The following SLC16A12 variants were observed in gnomAD, a reference collection of about 807,000 sequenced individuals.
The protein encoded by SLC16A12 is solute carrier family 16 member 12, also known as monocarboxylate transporter 12.
Under a neutral mutation model 42.4 loss-of-function variants are expected in SLC16A12, and 17 were observed. That is an observed-to-expected ratio of 0.40 (90% CI 0.27 to 0.60). The LOEUF (loss-of-function observed/expected upper bound fraction) is 0.60, where lower values mean the gene tolerates loss of function less well. Among genes scored for constraint, SLC16A12 ranks in the 20% least tolerant of loss-of-function variants. The pLI is 0.42. For missense variants in SLC16A12, 544 were observed against 623.0 expected (o/e 0.87, Z 1.35); for synonymous variants, 224 against 229.4 (o/e 0.98, Z 0.21).
chr10:89,520,977 T>C (rs1380637503), intron 2 of SLC16A12, among the ~76,000 whole-genome samples: 1 of 152,200 alleles, frequency 6.6e-6, no homozygotes, highest in Non-Finnish European at 1.5e-5. Flanking sequence ...TTATTGTCAT[T>C]ATTTTTACTA....
chr10:89,475,189 G>C (rs539737099), intron 2 of SLC16A12, among the ~76,000 whole-genome samples: 1 of 152,320 alleles, frequency 6.6e-6, no homozygotes, highest in South Asian at 2.1e-4. Flanking sequence ...CTAGGAAACA[G>C]AGAGGAAACC....
At chr10:89,474,520 ACTTTAT>A (rs1842547074) in intron 2 of SLC16A12, among the ~76,000 whole-genome samples, 1 of 152,244 alleles carries the variant, frequency 6.6e-6, no homozygotes, top group Non-Finnish European at 1.5e-5. Context: ...CATGGAAAGC[ACTTTAT>A]CTTCATCAGA....
intron 2 of SLC16A12, among the ~76,000 whole-genome samples, chr10:89,469,018 A>G (rs747645309): frequency 6.6e-6 from 1 of 152,160 alleles, no homozygotes; most frequent in Admixed American, 6.5e-5. Context: ...AATCCCAGCT[A>G]CTTGGGGGGC....
intron 7 of SLC16A12, among the ~76,000 whole-genome samples, chr10:89,435,163 T>C (rs973957636): frequency 6.6e-6 from 1 of 152,268 alleles, no homozygotes; most frequent in East Asian, 1.9e-4. Flanking sequence ...CCCAAATCTA[T>C]ATATAAACCA....
At chr10:89,474,850 TACAG>T (rs1842552515) in intron 2 of SLC16A12, among the ~76,000 whole-genome samples, 1 of 152,218 alleles carries the variant, frequency 6.6e-6, no homozygotes, top group Admixed American at 6.5e-5. Flanking sequence ...ATCTCCATTT[TACAG>T]ACAAAGTAAG....
chr10:89,539,842 C>T (rs1225928886), upstream of SLC16A12, among the ~76,000 whole-genome samples: 4 of 135,008 alleles, frequency 3.0e-5, no homozygotes, highest in Admixed American at 7.4e-5. Flanking sequence ...CTTCCTTAGA[C>T]ACCAAGAAAC....
intron 2 of SLC16A12, among the ~76,000 whole-genome samples, chr10:89,508,968 T>C (rs992268113): frequency 1.3e-5 from 2 of 152,128 alleles, no homozygotes; most frequent in Non-Finnish European, 2.9e-5. Context: ...TATGAACACC[T>C]CTACACAAAT....
Position 89,432,241 on chromosome 10 carries a change from CTAAG to C in SLC16A12, c.*819_*822del. On this transcript the variant is annotated 3_prime_UTR_variant, in exon 8 of 8. Coordinates refer to ENST00000371790, the MANE Select transcript of SLC16A12 (RefSeq NM_213606.4). ...TAAGATTGAGAGGTTGTCCTTGTGA[CTAAG>C]TGTGTTCTGCTAAATTTAGAGTAAG... 6.6e-6 allele frequency: 1 copy of C among 152,604 alleles called. No individual in the cohort carries two copies. The highest frequency in any genetic ancestry group is 1.5e-5 in the Non-Finnish European group (1 of 68,026). The allele number at this position is 152,604 out of a possible 1,614,324, so 9.5% of individuals were successfully genotyped here. A position where few individuals can be genotyped will look rare whatever the true frequency, so the allele number is the denominator to read the frequency against.
In SLC16A12 at chr10:89,438,846, C is replaced by T. The variant is rs775172178; in HGVS notation, c.786G>A (p.Trp262Ter). 7.4e-6 allele frequency: 12 copies of T among 1,614,022 alleles called. No individual in the cohort carries two copies. The East Asian group carries it at 2.7e-4, about 36-fold the overall frequency. The part of the protein sequence containing the change: ...VSPYSSLTKE[W>*]AQTCLCCCLQ... The stretch of plus-strand genomic sequence containing the variant: ...AACAGCAACAGAGGCAAGTCTGTGC[C>T]CATTCTTTGGTCAAAGATGAATAGG... The change falls in exon 6 of 8, where the codon TGG becomes TGA. Residue 262 changes from tryptophan to a stop codon, truncating the protein, a stop_gained. Transcript: ENST00000371790. LOFTEE classifies it high-confidence loss of function.
At chr10:89,455,966 G>A (rs1589672732) in intron 3 of SLC16A12, 1 of 152,210 alleles carries the variant, frequency 6.6e-6, no homozygotes, top group African/African-American at 2.4e-5. Context: ...AGTGTCATCT[G>A]TGACGAAATG....
chr10:89,495,302 C>T (rs917249022), intron 2 of SLC16A12, among the ~76,000 whole-genome samples: 3 of 152,084 alleles, frequency 2.0e-5, no homozygotes, highest in South Asian at 2.1e-4. Flanking sequence ...TGCAGTAAGC[C>T]GAGATCCGCC....
At chr10:89,529,814 C>G (rs546617739) in intron 2 of SLC16A12, among the ~76,000 whole-genome samples, 1 of 152,304 alleles carries the variant, frequency 6.6e-6, no homozygotes, top group South Asian at 2.1e-4. Flanking sequence ...TCCCAAAGTG[C>G]TGGAATTACA....
chr10:89,542,306 C>T (rs1454363012), intron 2 of SLC16A12, among the ~76,000 whole-genome samples: 30 of 137,008 alleles, frequency 2.2e-4, no homozygotes, highest in African/African-American at 3.0e-4. Context: ...CTTTTTTTTT[C>T]TTTTTTTTTT....
At chr10:89,510,684 G>C (rs374217098) in intron 2 of SLC16A12, among the ~76,000 whole-genome samples, 1 of 152,226 alleles carries the variant, frequency 6.6e-6, no homozygotes, top group East Asian at 1.9e-4. Context: ...AAGACTTCAC[G>C]ACTAAAACAC....
At chr10:89,548,815 C>CA (rs958905999) in intron 2 of SLC16A12, among the ~76,000 whole-genome samples, 9 of 151,614 alleles carry the variant, frequency 5.9e-5, no homozygotes, top group Admixed American at 2.6e-4. Flanking sequence ...GACTCTGTCT[C>CA]AAAAAAAAGA....
At chr10:89,459,411 G>C (rs1252042800) in intron 3 of SLC16A12, among the ~76,000 whole-genome samples, 2 of 152,072 alleles carry the variant, frequency 1.3e-5, no homozygotes, top group Non-Finnish European at 2.9e-5. Context: ...GTTTGTGTGT[G>C]TGTAGTGTGT....
chr10:89,514,749 C>T (rs985085327), intron 2 of SLC16A12, among the ~76,000 whole-genome samples: 1 of 152,182 alleles, frequency 6.6e-6, no homozygotes, highest in African/African-American at 2.4e-5. Context: ...GTTGACATGA[C>T]CCATCAATCC....
chr10:89,467,097 A>T (rs1162195764), intron 2 of SLC16A12, among the ~76,000 whole-genome samples: 1 of 152,226 alleles, frequency 6.6e-6, no homozygotes, highest in Non-Finnish European at 1.5e-5. Context: ...CACAACTTAG[A>T]AACTCCTGCC....
chr10:89,550,602 TA>T (rs1422764845), intron 2 of SLC16A12, among the ~76,000 whole-genome samples: 3 of 152,168 alleles, frequency 2.0e-5, no homozygotes, highest in African/African-American at 7.2e-5. Context: ...CCCAAAGCAC[TA>T]AAACAAAATC....
Sources: allele counts gnomAD v4.1 joint callset (sites outside exome capture counted in the v4.1 genomes callset), GRCh38; gene constraint gnomAD v4.1.1; transcripts MANE v1.5; gene names NCBI Gene and HGNC (gene_info 2026-07-23, HGNC 2026-07-21).